The following TMEM182 variants were observed in gnomAD, a reference collection of about 807,000 sequenced individuals.
TMEM182 encodes the protein transmembrane protein 182.
In TMEM182, 20 loss-of-function variants were observed where a neutral mutation model predicts 26.8. The ratio of observed to expected loss-of-function variants is 0.75; its 90% CI spans 0.53 to 1.09. The LOEUF (loss-of-function observed/expected upper bound fraction) is 1.09, where lower values mean the gene tolerates loss of function less well. Among genes scored for constraint, TMEM182 ranks in the 50% least tolerant of loss-of-function variants. The pLI is 0.00. For missense variants in TMEM182, 277 were observed against 275.5 expected (o/e 1.01, Z -0.04); for synonymous variants, 109 against 102.2 (o/e 1.07, Z -0.40).
chr2:102,754,047 A>G (rs1679962575), intron 1 of TMEM182, among the ~76,000 whole-genome samples: 1 of 152,222 alleles, frequency 6.6e-6, no homozygotes, highest in Non-Finnish European at 1.5e-5. Flanking sequence ...CAAAACTAAT[A>G]TTAAAGGGTC....
chr2:102,799,324 G>A (rs1682013060), intron 4 of TMEM182, among the ~76,000 whole-genome samples: 1 of 152,220 alleles, frequency 6.6e-6, no homozygotes, highest in South Asian at 2.1e-4. Context: ...TTCTGCATAA[G>A]ATTGTGCTTA....
chr2:102,779,939 G>C (rs1018911641), intron 3 of TMEM182, among the ~76,000 whole-genome samples: 1 of 152,064 alleles, frequency 6.6e-6, no homozygotes, highest in Non-Finnish European at 1.5e-5. Context: ...GGAGGCGGAG[G>C]TTGCAGTGAG....
At chr2:102,843,769 A>G (rs1683398302) in exon 4 of TMEM182, 1 of 152,226 alleles carries the variant, frequency 6.6e-6, no homozygotes, top group African/African-American at 2.4e-5. Flanking sequence ...TGCCTTATAA[A>G]TATTGATTGA....
In TMEM182 at chr2:102,803,441, A is replaced by G. The variant is rs1682227475; in HGVS notation, c.469+5441A>G. Among the ~76,000 whole-genome samples the G allele has an allele frequency of 2.0e-5, 3 of 152,214 alleles. No homozygotes were observed. In the South Asian group the frequency reaches 6.2e-4, roughly 32 times the overall value. On this transcript the variant is annotated intron_variant, in intron 4 of 4. Coordinates refer to ENST00000412401, the MANE Select transcript of TMEM182 (RefSeq NM_144632.5). ...AAAGGTTAGTAGATATAAAGGGAAT[A>G]GGAAGTTCCCATCTCTAGCAGGTTA...
chr2:102,784,819 G>T (rs1472721547), intron 3 of TMEM182, among the ~76,000 whole-genome samples: 2 of 152,136 alleles, frequency 1.3e-5, no homozygotes, highest in Non-Finnish European at 2.9e-5. Flanking sequence ...GTGTAGCAGC[G>T]AGGACAACCA....
intron 3 of TMEM182, among the ~76,000 whole-genome samples, chr2:102,784,705 A>G (rs1401570744): frequency 6.6e-6 from 1 of 152,218 alleles, no homozygotes; most frequent in Non-Finnish European, 1.5e-5. Context: ...TCTTGTTTAT[A>G]TGCTAAACAA....
intron 3 of TMEM182, among the ~76,000 whole-genome samples, chr2:102,791,224 C>A (rs1395145288): frequency 6.6e-6 from 1 of 152,150 alleles, no homozygotes; most frequent in East Asian, 1.9e-4. Flanking sequence ...GCATGAGCCA[C>A]CGTGCCCAGC....
chr2:102,797,834 C>T (rs1553441976), intron 3 of TMEM182, 29 bp from the exon 4 acceptor site: 5 of 1,590,682 alleles, frequency 3.1e-6, no homozygotes, highest in Admixed American at 3.8e-5. Context: ...ATTTTTCTTT[C>T]TTTTCTCTTT....
chr2:102,769,527 A>C (rs1022642146), intron 3 of TMEM182, among the ~76,000 whole-genome samples: 1 of 152,180 alleles, frequency 6.6e-6, no homozygotes, highest in African/African-American at 2.4e-5. Flanking sequence ...TGTTTTAATC[A>C]TCATAACTAT....
downstream of TMEM182, among the ~76,000 whole-genome samples, chr2:102,822,054 A>G (rs1306448761): frequency 6.6e-6 from 1 of 152,102 alleles, no homozygotes; most frequent in African/African-American, 2.4e-5. Context: ...TATTACCCTG[A>G]TATGATAATT....
rs184439278 is a variant in TMEM182, at chr2:102,790,859, A to C, written c.332-7004A>C. Reference sequence around the variant, plus strand: ...TGAGACATCAGGAACATGGATTTACATTCCCTAAATCCTCTATTTAACAAA... The same window carrying C: ...TGAGACATCAGGAACATGGATTTACCTTCCCTAAATCCTCTATTTAACAAA... On this transcript the variant is annotated intron_variant, in intron 3 of 4. Transcript: ENST00000412401. Among the ~76,000 whole-genome samples, 53 of 152,326 alleles carry C rather than the reference A, an allele frequency of 3.5e-4. 1 individual carries two copies. Among genetic ancestry groups the C allele is most frequent in the Admixed American group, 3.0e-3 (46 of 15,298 alleles).
intron 4 of TMEM182, among the ~76,000 whole-genome samples, chr2:102,802,943 G>C (rs1301229095): frequency 6.6e-6 from 1 of 152,176 alleles, no homozygotes; most frequent in Non-Finnish European, 1.5e-5. Flanking sequence ...GCTGCAGAAA[G>C]TAGAAACAGA....
chr2:102,778,304 A>T (rs535761300), intron 3 of TMEM182, among the ~76,000 whole-genome samples: 2 of 151,942 alleles, frequency 1.3e-5, no homozygotes, highest in African/African-American at 4.8e-5. Context: ...TTGATCTTAT[A>T]TTAATATAGT....
downstream of TMEM182, among the ~76,000 whole-genome samples, chr2:102,821,042 G>A (rs1168497182): frequency 6.6e-6 from 1 of 152,156 alleles, no homozygotes; most frequent in African/African-American, 2.4e-5. Flanking sequence ...TCAAAGTCCT[G>A]CAGTGGCCAC....
At chr2:102,802,747 G>A (rs1201518503) in intron 4 of TMEM182, among the ~76,000 whole-genome samples, 5 of 152,206 alleles carry the variant, frequency 3.3e-5, no homozygotes, top group Admixed American at 3.3e-4. Context: ...AGCAATTTCT[G>A]TATGTCAGCA....
At chr2:102,761,241 A>G (rs1328198559), upstream of TMEM182, among the ~76,000 whole-genome samples, 1 of 151,720 alleles carries the variant, frequency 6.6e-6, no homozygotes, top group African/African-American at 2.4e-5. Context: ...GTGTAGATTC[A>G]TTGCTATTAG....
intron 3 of TMEM182, among the ~76,000 whole-genome samples, chr2:102,835,507 T>A (rs1460150956): frequency 6.6e-6 from 1 of 152,080 alleles, no homozygotes; most frequent in African/African-American, 2.4e-5. Context: ...TTACTCTTGG[T>A]GCTGTACAGT....
intron 1 of TMEM182, among the ~76,000 whole-genome samples, chr2:102,754,290 C>T (rs1009720822): frequency 6.6e-6 from 1 of 152,148 alleles, no homozygotes; most frequent in African/African-American, 2.4e-5. Context: ...AACACCCACT[C>T]GTGGAACCTG....
intron 1 of TMEM182, among the ~76,000 whole-genome samples, chr2:102,748,047 G>T (rs1010290232): frequency 1.5e-4 from 23 of 152,142 alleles, no homozygotes; most frequent in African/African-American, 4.8e-4. Flanking sequence ...AGAGGCCCAT[G>T]CCCCTTCCAT....
Sources: allele counts gnomAD v4.1 joint callset (sites outside exome capture counted in the v4.1 genomes callset), GRCh38; gene constraint gnomAD v4.1.1; transcripts MANE v1.5; gene names NCBI Gene and HGNC (gene_info 2026-07-23, HGNC 2026-07-21).